BCAS3: variants seen among roughly 807,000 people sequenced by gnomAD.
BCAS3 encodes BCAS3 microtubule associated cell migration factor, also known as BCAS4/BCAS3 fusion.
Under a neutral mutation model 116.1 loss-of-function variants are expected in BCAS3, and 53 were observed. That is an observed-to-expected ratio of 0.46 (90% CI 0.37 to 0.57). BCAS3 has a LOEUF of 0.57. Among genes scored for constraint, BCAS3 ranks in the 20% least tolerant of loss-of-function variants. BCAS3 has a pLI of 0.00. For synonymous variants in BCAS3, 391 were observed against 408.2 expected, an observed-to-expected ratio of 0.96 and a Z score of 0.51; for missense variants, 917 against 1,165.4, an observed-to-expected ratio of 0.79 and a Z score of 3.10.
At chr17:61,252,674 G>A (rs996849126) in intron 22 of BCAS3, among the ~76,000 whole-genome samples, 7 of 152,156 alleles carry the variant, frequency 4.6e-5, no homozygotes, top group East Asian at 3.9e-4. Flanking sequence ...GGTGAAAAGG[G>A]CCTTAAAGGT....
At chr17:60,972,147 T>G (rs2062002593) in intron 14 of BCAS3, among the ~76,000 whole-genome samples, 1 of 152,138 alleles carries the variant, frequency 6.6e-6, no homozygotes, top group Non-Finnish European at 1.5e-5. Context: ...TTCGATGATA[T>G]CCTCTGGCAC....
At chr17:61,175,430 C>T (rs971919404) in intron 22 of BCAS3, among the ~76,000 whole-genome samples, 7 of 151,492 alleles carry the variant, frequency 4.6e-5, no homozygotes, top group African/African-American at 1.5e-4. Context: ...GTTTTGGAGT[C>T]CAGTAGTTGA....
At chr17:61,154,937 G>C (rs1301832544) in intron 22 of BCAS3, among the ~76,000 whole-genome samples, 1 of 151,610 alleles carries the variant, frequency 6.6e-6, no homozygotes, top group African/African-American at 2.4e-5. Flanking sequence ...TTGGTGGGGG[G>C]TGTTTGGCTT....
chr17:60,881,416 C>T (rs2056135002), intron 9 of BCAS3, among the ~76,000 whole-genome samples: 1 of 151,836 alleles, frequency 6.6e-6, no homozygotes, highest in African/African-American at 2.4e-5. Context: ...TACAGTATTT[C>T]ATTCTAAGAA....
At chr17:60,963,553 CG>C (rs1163311238) in intron 14 of BCAS3, among the ~76,000 whole-genome samples, 5,035 of 146,518 alleles carry the variant, frequency 0.034, 318 homozygotes, top group African/African-American at 0.12. Context: ...TAAATGCTAT[CG>C]ATTTTTTTTT....
At chr17:61,102,545 C>T (rs2074391393) in intron 22 of BCAS3, among the ~76,000 whole-genome samples, 1 of 152,130 alleles carries the variant, frequency 6.6e-6, no homozygotes, top group Admixed American at 6.5e-5. Context: ...TACTACCTCC[C>T]AACTTTGGCA....
chr17:60,955,583 A>G (rs2061088323), intron 14 of BCAS3, among the ~76,000 whole-genome samples: 1 of 151,788 alleles, frequency 6.6e-6, no homozygotes, highest in African/African-American at 2.4e-5. Flanking sequence ...GGGTTTCACC[A>G]TGTTGGTGGC....
rs1266310559 is a variant in BCAS3 at position 61,307,710 on chromosome 17, TAGAA to T, written c.2426-60614_2426-60611del. Among the ~76,000 whole-genome samples the T allele has an allele frequency of 2.0e-5, 3 of 152,254 alleles. No individual in the cohort carries two copies. Among genetic ancestry groups the T allele is most frequent in the African/African-American group, 7.2e-5 (3 of 41,472 alleles). The stretch of plus-strand genomic sequence containing the variant: ...TAAAATTACTTTTTCCCAAGTGTTC[TAGAA>T]AGGGTTACATTCCTGAGTAGGGTCT... On this transcript the variant is annotated intron_variant, in intron 22 of 23. Coordinates refer to ENST00000407086, the MANE Select transcript of BCAS3 (RefSeq NM_017679.5). The surrounding 1 kb of genome is among the most constrained non-coding windows in gnomAD (Gnocchi z 4.7).
chr17:60,878,136 A>G (rs1410061772), intron 9 of BCAS3, among the ~76,000 whole-genome samples: 1 of 151,750 alleles, frequency 6.6e-6, no homozygotes, highest in African/African-American at 2.4e-5. Context: ...CAGCTTCCCA[A>G]GTAGCTGGGA....
intron 4 of BCAS3, among the ~76,000 whole-genome samples, chr17:60,694,540 G>T (rs773318351): frequency 5.3e-5 from 8 of 151,956 alleles, no homozygotes; most frequent in Non-Finnish European, 1.0e-4. Context: ...TTGAGACAAG[G>T]TCTCACTGTG....
chr17:61,377,345 G>A lies in BCAS3; in HGVS notation c.2593+8851G>A, dbSNP rs558159738. On this transcript the variant is annotated intron_variant, in intron 23 of 23. Transcript: ENST00000407086. This position sits in a 1 kb window ranked among gnomAD's most constrained non-coding sequence, Gnocchi z 4.6. Reference sequence around the variant, plus strand: ...AGACTGTGGGACAGCCGGTGGCCTCGGCAGGGGTGGTGTTGTTGGTGTTGC... The same window carrying A: ...AGACTGTGGGACAGCCGGTGGCCTCAGCAGGGGTGGTGTTGTTGGTGTTGC... Among the ~76,000 whole-genome samples the A allele has an allele frequency of 2.8e-4, 43 of 152,280 alleles. No individual in the cohort carries two copies. In the East Asian group the frequency reaches 5.2e-3, roughly 18 times the overall value.
rs1275487150 is a variant in BCAS3, at chr17:61,300,347, C to T, written c.2426-67980C>T. Among the ~76,000 whole-genome samples, 4 of 152,052 alleles carry T rather than the reference C, an allele frequency of 2.6e-5. No homozygotes were observed. Among genetic ancestry groups the T allele is most frequent in the Non-Finnish European group, 1.5e-5 (1 of 68,010 alleles). On this transcript the variant is annotated intron_variant, in intron 22 of 23. Transcript: ENST00000407086. The surrounding 1 kb of genome is among the most constrained non-coding windows in gnomAD (Gnocchi z 5.1). ...CCCGCCCTCCTCCCCTTTAACTCCT[C>T]GCCTGCCCCTTCAACTTCAGTTTTC...
intron 6 of BCAS3, among the ~76,000 whole-genome samples, chr17:60,767,505 C>T (rs151209818): frequency 0.016 from 2,441 of 151,792 alleles, 41 homozygotes; most frequent in African/African-American, 0.037. Context: ...CCACCACTCC[C>T]GGCTAATTTT....
At chr17:61,231,869 CAAAA>C (rs72247548) in intron 22 of BCAS3, among the ~76,000 whole-genome samples, 2 of 100,448 alleles carry the variant, frequency 2.0e-5, no homozygotes, top group African/African-American at 8.7e-5. Flanking sequence ...GACCCTGTCT[CAAAA>C]AAAAAAAAAA....
chr17:60,842,690 G>A (rs1270462469), intron 7 of BCAS3, among the ~76,000 whole-genome samples: 14 of 151,900 alleles, frequency 9.2e-5, no homozygotes, highest in African/African-American at 3.1e-4. Context: ...TCCTGAGTGT[G>A]CTATCTTTTC....
rs11290646 is a variant in BCAS3 at position 61,151,475 on chromosome 17, CT to C, written c.2425+66921del. Among the ~76,000 whole-genome samples, 12,022 of 146,194 alleles carry C rather than the reference CT, an allele frequency of 0.082. 1,675 individuals are homozygous for C. Among genetic ancestry groups the C allele is most frequent in the African/African-American group, 0.28 (11,349 of 40,040 alleles). On this transcript the variant is annotated intron_variant, in intron 22 of 23. Coordinates refer to ENST00000407086, the MANE Select transcript of BCAS3 (RefSeq NM_017679.5). The surrounding 1 kb of genome is among the most constrained non-coding windows in gnomAD (Gnocchi z 4.8). ...AAACATCTCTTTCATTCAACGTTTT[CT>C]TTTTTTTTTGAGATAGGGTTTCACT...
In BCAS3 at chr17:61,343,642, A is replaced by G. The variant is rs1266378425; in HGVS notation, c.2426-24685A>G. Among the ~76,000 whole-genome samples, 4 of 152,210 alleles carry G rather than the reference A, an allele frequency of 2.6e-5. No individual in the cohort carries two copies. The highest frequency in any genetic ancestry group is 5.9e-5 in the Non-Finnish European group (4 of 68,040). On this transcript the variant is annotated intron_variant, in intron 22 of 23. Transcript: ENST00000407086. The surrounding 1 kb of genome is among the most constrained non-coding windows in gnomAD (Gnocchi z 5.5). ...AAACAACTGGATGGCAAGGCAACAG[A>G]CATCCCACTGCCGTTCCTCTGCCAC...
chr17:60,792,740 C>A (rs1403558865), intron 6 of BCAS3, among the ~76,000 whole-genome samples: 3 of 152,166 alleles, frequency 2.0e-5, no homozygotes, highest in East Asian at 3.9e-4. Context: ...TGGCTCACTT[C>A]TGCTTTGTGT....
intron 4 of BCAS3, among the ~76,000 whole-genome samples, chr17:60,707,201 C>G (rs2037274165): frequency 6.6e-6 from 1 of 152,106 alleles, no homozygotes; most frequent in African/African-American, 2.4e-5. Context: ...CCATGTTGGT[C>G]AGGCTGGTCT....
Sources: allele counts gnomAD v4.1 joint callset (sites outside exome capture counted in the v4.1 genomes callset), GRCh38; gene constraint gnomAD v4.1.1; non-coding constraint Gnocchi (gnomAD v3.1); transcripts MANE v1.5; gene names NCBI Gene and HGNC (gene_info 2026-07-23, HGNC 2026-07-21).